ECPAS: variants seen among roughly 807,000 people sequenced by gnomAD.
ECPAS encodes the protein proteasome adapter and scaffold protein ECM29.
A neutral mutation model predicts 255.1 loss-of-function variants in ECPAS; 70 were observed. The ratio of observed to expected loss-of-function variants is 0.27; its 90% CI spans 0.23 to 0.33. The LOEUF (loss-of-function observed/expected upper bound fraction) is 0.33, where lower values mean the gene tolerates loss of function less well. ECPAS is among the 10% of genes least tolerant of loss of function. The pLI is 1.00. For synonymous variants in ECPAS, 784 were observed against 775.0 expected (o/e 1.01, Z -0.19); for missense variants, 1,817 against 2,206.4 (o/e 0.82, Z 3.54).
chr9:111,364,165 T>G (rs924401504), intron 48 of ECPAS, among the ~76,000 whole-genome samples: 3 of 152,284 alleles, frequency 2.0e-5, no homozygotes, highest in Middle Eastern at 3.4e-3. Context: ...CATGCTTCCT[T>G]GGCATCCACT....
intron 2 of ECPAS, among the ~76,000 whole-genome samples, chr9:111,469,202 C>A (rs1220126157): frequency 6.6e-6 from 1 of 151,776 alleles, no homozygotes; most frequent in Non-Finnish European, 1.5e-5. Flanking sequence ...TGTGCCACTG[C>A]ATTCCAGCCT....
intron 35 of ECPAS, among the ~76,000 whole-genome samples, chr9:111,382,721 A>C (rs1257131605): frequency 6.6e-6 from 1 of 152,224 alleles, no homozygotes; most frequent in Non-Finnish European, 1.5e-5. Context: ...TAACAATGGA[A>C]CAGATAAAGT....
chr9:111,382,627 A>T (rs2098142170), intron 35 of ECPAS, among the ~76,000 whole-genome samples: 1 of 152,182 alleles, frequency 6.6e-6, no homozygotes, highest in South Asian at 2.1e-4. Flanking sequence ...CTTCTAAAAA[A>T]AAAACTCTTT....
chr9:111,414,503 G>C lies in ECPAS; in HGVS notation c.1913C>G (p.Ser638Cys), dbSNP rs1455234427. 4 of 1,614,024 alleles carry C rather than the reference G, an allele frequency of 2.5e-6. No individual in the cohort carries two copies. Among genetic ancestry groups the C allele is most frequent in the Non-Finnish European group, 3.4e-6 (4 of 1,179,880 alleles). Residue 638 changes from serine to cysteine, a missense_variant, in exon 19 of 50, where the codon TCT (serine) becomes TGT (cysteine). Around this residue, in one of 4 missense-constraint regions of ECPAS, gnomAD observed 573 missense variants for 716.2 expected, o/e 0.80. Coordinates refer to ENST00000684092, the MANE Select transcript of ECPAS (RefSeq NM_001364929.1). ...AGGGTTAGTCTCCCCACTCTTGTTA[G>C]ATGATGAGGGTGCCATCTGCCCGCT... ...MSSGQMAPSS[S>C]NKSGETNPVQ... is the part of the protein sequence containing the mutation.
At chr9:111,408,908 T>G (rs1237387559) in intron 23 of ECPAS, among the ~76,000 whole-genome samples, 1 of 152,192 alleles carries the variant, frequency 6.6e-6, no homozygotes, top group Non-Finnish European at 1.5e-5. Context: ...AAGAAAGCCT[T>G]TAACTAGGCT....
At chr9:111,471,019 T>C (rs1044038626) in intron 2 of ECPAS, among the ~76,000 whole-genome samples, 2 of 152,118 alleles carry the variant, frequency 1.3e-5, no homozygotes, top group African/African-American at 4.8e-5. Flanking sequence ...AAATAATATA[T>C]ACTATGCAAG....
intron 2 of ECPAS, among the ~76,000 whole-genome samples, chr9:111,471,247 T>A (rs12057072): frequency 0.064 from 9,773 of 152,200 alleles, 466 homozygotes; most frequent in East Asian, 0.21. Flanking sequence ...AGTTAAAGAA[T>A]CTAGGAGAGA....
At chr9:111,389,419 G>A (rs564112800) in intron 31 of ECPAS, 137 bp downstream of exon 31, 1 of 729,452 alleles carries the variant, frequency 1.4e-6, no homozygotes, top group African/African-American at 1.8e-5. Flanking sequence ...AAGAAAGCAT[G>A]GAATGAAAGA....
In ECPAS at chr9:111,437,085, C is replaced by G. The variant is rs2098239277; in HGVS notation, c.563G>C (p.Ser188Thr). Residue 188 changes from serine (S) to threonine (T), a missense_variant, in exon 7 of 50, where the codon AGT becomes ACT. Physicochemically the swap from Ser to Thr is moderately conservative, Grantham distance 58. Around this residue, in one of 4 missense-constraint regions of ECPAS, gnomAD observed 573 missense variants for 716.2 expected, o/e 0.80. Transcript: ENST00000684092. ...PYGYVLNESQ[S>T]RQNSSSAQGS... ...CTGTGCTGAAGATGAATTTTGGCGACTCTGGGATTCATTTAACACGTAACT... is the reference window on the plus strand; with the variant it reads ...CTGTGCTGAAGATGAATTTTGGCGAGTCTGGGATTCATTTAACACGTAACT... The G allele has an allele frequency of 1.2e-6, 2 of 1,606,004 alleles. No homozygotes were observed. Among genetic ancestry groups the G allele is most frequent in the Non-Finnish European group, 1.7e-6 (2 of 1,177,714 alleles).
intron 2 of ECPAS, among the ~76,000 whole-genome samples, chr9:111,463,595 A>G (rs191977636): frequency 6.6e-6 from 1 of 152,370 alleles, no homozygotes; most frequent in Non-Finnish European, 1.5e-5. Flanking sequence ...TTATAAAGCT[A>G]TGACAATTAT....
At chr9:111,381,611 T>C (rs975971590) in intron 35 of ECPAS, among the ~76,000 whole-genome samples, 3 of 152,238 alleles carry the variant, frequency 2.0e-5, no homozygotes, top group Non-Finnish European at 4.4e-5. Flanking sequence ...TAACGACACA[T>C]TTCTCAGAAA....
chr9:111,402,046 C>G (rs541633919), intron 24 of ECPAS, among the ~76,000 whole-genome samples: 12 of 152,248 alleles, frequency 7.9e-5, no homozygotes, highest in Admixed American at 7.2e-4. Flanking sequence ...TAAAGACAGG[C>G]ATAAGAAATT....
intron 30 of ECPAS, 59 bp from the exon 31 acceptor site, chr9:111,389,782 C>A: frequency 1.3e-6 from 2 of 1,506,344 alleles, no homozygotes; most frequent in Admixed American, 2.1e-5. Flanking sequence ...ATTAACATAG[C>A]AAAAAATTCT....
At chr9:111,373,927 C>A (rs1431295000) in intron 39 of ECPAS, 45 bp downstream of exon 39, 1 of 1,412,622 alleles carries the variant, frequency 7.1e-7, no homozygotes, top group South Asian at 1.2e-5. Flanking sequence ...TCACACAAGA[C>A]AGGGCTGTGC....
At chr9:111,417,690 G>A (rs542931496) in intron 17 of ECPAS, among the ~76,000 whole-genome samples, 193 bp downstream of exon 17, 135 of 151,566 alleles carry the variant, frequency 8.9e-4, no homozygotes, top group Middle Eastern at 3.4e-3. Flanking sequence ...AGTTTGCAGT[G>A]AGCCAAGACC....
At chr9:111,415,670 T>G (rs1327715489) in intron 18 of ECPAS, among the ~76,000 whole-genome samples, 2 of 146,578 alleles carry the variant, frequency 1.4e-5, no homozygotes, top group African/African-American at 5.1e-5. Flanking sequence ...TTCACTGTAC[T>G]CCAGCACGGG....
In ECPAS at chr9:111,362,064, G is replaced by T. The variant is rs368978099; in HGVS notation, c.5486C>A (p.Ala1829Glu). The T allele has an allele frequency of 5.0e-6, 8 of 1,610,436 alleles. No individual in the cohort carries two copies. The African/African-American group carries it at 1.1e-4, about 22-fold the overall frequency. ...ATTTTCAAGTGTTTTCTTCAGTAAC[G>T]CTGCTTTCTCCTGCAGTTCAGGTCT... Reference protein sequence around the residue: ...DSRPELQEKAALLKKTLENLE With the variant: ...DSRPELQEKAELLKKTLENLE The change falls in exon 50 of 50, where the codon GCG (alanine) becomes GAG (glutamate). Residue 1829 changes from alanine (A) to glutamate (E), a missense_variant. Ala to Glu is a moderately radical substitution (Grantham distance 107). Around this residue, in one of 4 missense-constraint regions of ECPAS, gnomAD observed 960 missense variants for 1,179.0 expected, o/e 0.81. Coordinates refer to ENST00000684092, the MANE Select transcript of ECPAS (RefSeq NM_001364929.1).
At chr9:111,390,249 A>T in intron 29 of ECPAS, 148 bp from the exon 30 acceptor site, 1 of 521,074 alleles carries the variant, frequency 1.9e-6, no homozygotes, top group South Asian at 3.4e-5. Context: ...ACAGAACACA[A>T]GTTAGTAAGA....
chr9:111,383,174 C>A lies in ECPAS; in HGVS notation c.3803+37G>T, dbSNP rs771900214. The A allele has an allele frequency of 1.9e-6, 3 of 1,605,870 alleles. No individual in the cohort carries two copies. The South Asian group carries it at 3.3e-5, about 18-fold the overall frequency. On this transcript the variant is annotated intron_variant, in intron 35 of 49. Transcript: ENST00000684092. ...AGAAACACAATTTCTAGGAACTGAG[C>A]AAATCCAATACATTCATTTCATCAA...
Sources: allele counts gnomAD v4.1 joint callset (sites outside exome capture counted in the v4.1 genomes callset), GRCh38; gene constraint gnomAD v4.1.1; regional missense constraint gnomAD v4.1.1; transcripts MANE v1.5; gene names NCBI Gene and HGNC (gene_info 2026-07-23, HGNC 2026-07-21).